DAP: variants seen among roughly 807,000 people sequenced by gnomAD.
DAP encodes the protein death-associated protein 1.
DAP carries 8 observed loss-of-function variants against 13.8 expected under a neutral mutation model. That is an observed-to-expected ratio of 0.58 (90% CI 0.34 to 1.05). DAP has a LOEUF of 1.05. DAP is among the 50% of genes least tolerant of loss of function. The pLI is 0.03. For synonymous variants in DAP, 47 were observed against 47.5 expected (o/e 0.99, Z 0.04); for missense variants, 106 against 133.2 (o/e 0.80, Z 1.01).
chr5:10,712,228 CCTG>C (rs1738872079), intron 2 of DAP, among the ~76,000 whole-genome samples: 1 of 152,144 alleles, frequency 6.6e-6, no homozygotes, highest in Non-Finnish European at 1.5e-5. Flanking sequence ...AGGAACCAAC[CCTG>C]CTGACACCTT....
chr5:10,688,668 C>T (rs1418800282), intron 2 of DAP, among the ~76,000 whole-genome samples: 1 of 151,748 alleles, frequency 6.6e-6, no homozygotes, highest in African/African-American at 2.4e-5. Flanking sequence ...GATTGACACA[C>T]ACACACAACT....
intron 1 of DAP, among the ~76,000 whole-genome samples, chr5:10,758,177 G>A (rs1377661110): frequency 6.7e-6 from 1 of 150,070 alleles, no homozygotes; most frequent in East Asian, 1.9e-4. Context: ...GGCTATCCTT[G>A]ATGATTATCC....
At chr5:10,722,531 CA>C (rs1345356611) in intron 2 of DAP, among the ~76,000 whole-genome samples, 1 of 148,616 alleles carries the variant, frequency 6.7e-6, no homozygotes, top group Non-Finnish European at 1.5e-5. Flanking sequence ...CATATACATG[CA>C]TATATATACA....
chr5:10,681,568 G>GCAGT (rs1738002736), intron 3 of DAP, among the ~76,000 whole-genome samples: 1 of 150,460 alleles, frequency 6.6e-6, no homozygotes, highest in African/African-American at 2.4e-5. Flanking sequence ...AGGAAGCATG[G>GCAGT]TGTTTGTGGG....
chr5:10,697,793 C>T (rs909695063), intron 2 of DAP, among the ~76,000 whole-genome samples: 3 of 152,174 alleles, frequency 2.0e-5, no homozygotes, highest in African/African-American at 4.8e-5. Context: ...AGTCTACTTC[C>T]ATCTCCGGAA....
intron 2 of DAP, among the ~76,000 whole-genome samples, chr5:10,736,421 C>A (rs377331293): frequency 6.6e-6 from 1 of 152,182 alleles, no homozygotes; most frequent in African/African-American, 2.4e-5. Flanking sequence ...GGACAGCCTG[C>A]AGCCTCTGGA....
intron 2 of DAP, among the ~76,000 whole-genome samples, chr5:10,685,933 C>T (rs1266989242): frequency 6.6e-6 from 1 of 152,164 alleles, no homozygotes; most frequent in Non-Finnish European, 1.5e-5. Flanking sequence ...CAGACACACA[C>T]ACACACAAAC....
At chr5:10,746,557 T>G (rs977220496) in intron 2 of DAP, among the ~76,000 whole-genome samples, 1 of 152,114 alleles carries the variant, frequency 6.6e-6, no homozygotes, top group Non-Finnish European at 1.5e-5. Context: ...CTCGCACCCC[T>G]GACCTCAAGT....
chr5:10,708,560 T>C (rs1400670747), intron 2 of DAP, among the ~76,000 whole-genome samples: 2 of 152,166 alleles, frequency 1.3e-5, no homozygotes, highest in Non-Finnish European at 2.9e-5. Context: ...TCCCTGCTGA[T>C]CTCCATCCAC....
chr5:10,734,875 A>C (rs953313550), intron 2 of DAP, among the ~76,000 whole-genome samples: 1 of 152,350 alleles, frequency 6.6e-6, no homozygotes, highest in African/African-American at 2.4e-5. Flanking sequence ...TATCTAAAGA[A>C]ACAAAATGAA....
At chr5:10,706,692 A>G (rs1738704724) in intron 2 of DAP, among the ~76,000 whole-genome samples, 1 of 152,230 alleles carries the variant, frequency 6.6e-6, no homozygotes, top group African/African-American at 2.4e-5. Context: ...TGAGACAAAA[A>G]TGATGATCGG....
At chr5:10,721,983 T>C (rs1210802949) in intron 2 of DAP, among the ~76,000 whole-genome samples, 1 of 152,216 alleles carries the variant, frequency 6.6e-6, no homozygotes, top group Non-Finnish European at 1.5e-5. Context: ...TGGGGATCAG[T>C]GCGTTTCTGG....
intron 2 of DAP, among the ~76,000 whole-genome samples, chr5:10,746,351 CAA>C (rs1739906853): frequency 7.7e-6 from 1 of 130,668 alleles, no homozygotes; most frequent in Non-Finnish European, 1.6e-5. Flanking sequence ...TTTTTTGAGA[CAA>C]GAGTTTTGTT....
chr5:10,745,994 G>C (rs985539406), intron 2 of DAP, among the ~76,000 whole-genome samples: 3 of 152,172 alleles, frequency 2.0e-5, no homozygotes, highest in Non-Finnish European at 2.9e-5. Context: ...TTAACCTGAA[G>C]TGACACTAGT....
chr5:10,692,378 C>T (rs1738328625), intron 2 of DAP, among the ~76,000 whole-genome samples: 1 of 152,210 alleles, frequency 6.6e-6, no homozygotes, highest in Non-Finnish European at 1.5e-5. Flanking sequence ...CCCTACCAGG[C>T]AGACGGCTGC....
At chr5:10,687,095 T>C (rs528386668) in intron 2 of DAP, among the ~76,000 whole-genome samples, 2 of 152,310 alleles carry the variant, frequency 1.3e-5, no homozygotes, top group Admixed American at 6.5e-5. Context: ...TGACGGCACA[T>C]TGGTTTACAT....
At chr5:10,737,739 T>C (rs1298896559) in intron 2 of DAP, among the ~76,000 whole-genome samples, 1 of 152,186 alleles carries the variant, frequency 6.6e-6, no homozygotes, top group Non-Finnish European at 1.5e-5. Flanking sequence ...AGATCACCAT[T>C]TGGCATCTGC....
At chr5:10,715,058 T>C (rs1561018971) in intron 2 of DAP, among the ~76,000 whole-genome samples, 1 of 152,152 alleles carries the variant, frequency 6.6e-6, no homozygotes. Flanking sequence ...AATATACAGA[T>C]ATGCACGCCA....
chr5:10,750,830 A>C (rs767258898), intron 1 of DAP, among the ~76,000 whole-genome samples: 50 of 152,124 alleles, frequency 3.3e-4, no homozygotes, highest in Non-Finnish European at 1.2e-4. Flanking sequence ...ACCAGTAAGG[A>C]TCTCATGGGG....
Sources: gnomAD v4.1 joint callset for allele counts (sites outside exome capture counted in the v4.1 genomes callset) on GRCh38, gnomAD v4.1.1 for gene constraint, MANE v1.5 for transcripts, NCBI Gene and HGNC (gene_info 2026-07-23, HGNC 2026-07-21) for gene names.